Variants in IMPDH1 observed in about 807,000 individuals in gnomAD.
IMPDH1 encodes inosine monophosphate dehydrogenase 1.
In IMPDH1, 41 loss-of-function variants were observed where a neutral mutation model predicts 73.5. The ratio of observed to expected loss-of-function variants is 0.56; its 90% CI spans 0.43 to 0.72. IMPDH1 has a LOEUF of 0.72. IMPDH1 is among the 30% of genes least tolerant of loss of function. The pLI is 0.00. For missense variants in IMPDH1, 645 were observed against 824.8 expected, an observed-to-expected ratio of 0.78 and a Z score of 2.67; for synonymous variants, 318 against 334.3, an observed-to-expected ratio of 0.95 and a Z score of 0.53.
In IMPDH1 at chr7:128,395,128, C is replaced by T. The variant is rs776385488; in HGVS notation, c.1405+3G>A. On this transcript the variant is annotated splice_donor_region_variant and intron_variant, in intron 13 of 16. Transcript: ENST00000338791. Reference sequence around the variant, plus strand: ...CCCAATCCCCAGCACATTCTCCCCTCACCTGTGGAGGCTCCAAGGGCCAGG... The same window carrying T: ...CCCAATCCCCAGCACATTCTCCCCTTACCTGTGGAGGCTCCAAGGGCCAGG... The T allele has an allele frequency of 8.7e-6, 14 of 1,613,932 alleles. No homozygotes were observed. Among genetic ancestry groups the T allele is most frequent in the Non-Finnish European group, 1.7e-6 (2 of 1,180,056 alleles).
At chr7:128,408,470 G>T (rs2116741359) in intron 3 of IMPDH1, among the ~76,000 whole-genome samples, 1 of 152,212 alleles carries the variant, frequency 6.6e-6, no homozygotes, top group African/African-American at 2.4e-5. Context: ...CTCCAGGTTG[G>T]CGAAGGCAGG....
intron 8 of IMPDH1, 40 bp from the exon 9 acceptor site, chr7:128,400,222 A>G (rs746616631): frequency 1.8e-5 from 29 of 1,611,750 alleles, no homozygotes; most frequent in Admixed American, 5.0e-5. Flanking sequence ...TTGGCAGGTG[A>G]GAGAGAAGGA....
In IMPDH1 at chr7:128,396,511, G is replaced by T; in HGVS notation, c.1261+89C>A. 9.5e-7 allele frequency: 1 copy of T among 1,053,278 alleles called. No individual in the cohort carries two copies. Among genetic ancestry groups the T allele is most frequent in the Non-Finnish European group, 1.4e-6 (1 of 694,760 alleles). 65.2% of individuals were successfully genotyped at this position (1,053,278 alleles called of 1,614,324 possible). Reference sequence around the variant, plus strand: ...CCGGAGCCTACCATGGCAGAACAGGGCCTGGCAGAGAGAGTACTTGATATA... The same window carrying T: ...CCGGAGCCTACCATGGCAGAACAGGTCCTGGCAGAGAGAGTACTTGATATA... On this transcript the variant is annotated intron_variant, in intron 12 of 16. Transcript: ENST00000338791. The surrounding 1 kb of genome is among the most constrained non-coding windows in gnomAD (Gnocchi z 4.0).
Position 128,398,550 on chromosome 7 carries a change from T to C in IMPDH1, c.938A>G (p.Lys313Arg). The change falls in exon 10 of 17, where the codon AAG (lysine) becomes AGG (arginine). Residue 313 changes from lysine to arginine, a missense_variant. Coordinates refer to ENST00000338791, the MANE Select transcript of IMPDH1 (RefSeq NM_000883.4). This position sits in a 1 kb window ranked among gnomAD's most constrained non-coding sequence, Gnocchi z 4.3. ...GGCCAGAGGGTAGTCTCGGTTCTTCTTCAGGTCGGTGCGGGCGATGATGGC... is the reference window on the plus strand; with the variant it reads ...GGCCAGAGGGTAGTCTCGGTTCTTCCTCAGGTCGGTGCGGGCGATGATGGC... The part of the protein sequence containing the change: ...LVAIIARTDL[K>R]KNRDYPLASK... 6.2e-7 allele frequency: 1 copy of C among 1,613,430 alleles called. No individual in the cohort carries two copies. Among genetic ancestry groups the C allele is most frequent in the Non-Finnish European group, 8.5e-7 (1 of 1,179,572 alleles).
intron 4 of IMPDH1, 127 bp from the exon 5 acceptor site, chr7:128,403,881 A>G: frequency 1.2e-6 from 1 of 803,908 alleles, no homozygotes; most frequent in Non-Finnish European, 2.2e-6. Context: ...ACAGCCCCCC[A>G]TCCCTACTGC....
chr7:128,406,284 C>CG (rs1798759173), intron 3 of IMPDH1, among the ~76,000 whole-genome samples: 1 of 2,374 alleles, frequency 4.2e-4, no homozygotes. Flanking sequence ...GCAGAGGCCC[C>CG]ACCCCCCCAC....
At position 128,394,617 on chromosome 7, in the gene IMPDH1, G is replaced by C. The variant is rs1562983402; in HGVS notation, c.1551-18C>G. ...CCCCCTCGCTGCGTGGAGGGTGGAAGACTGAGCCCAGCAGCTTGAAGCTCA... is the reference window on the plus strand; with the variant it reads ...CCCCCTCGCTGCGTGGAGGGTGGAACACTGAGCCCAGCAGCTTGAAGCTCA... On this transcript the variant is annotated intron_variant, in intron 14 of 16. Coordinates refer to ENST00000338791, the MANE Select transcript of IMPDH1 (RefSeq NM_000883.4). The surrounding 1 kb of genome is among the most constrained non-coding windows in gnomAD (Gnocchi z 5.5). 1 of 1,612,738 alleles carries C rather than the reference G, an allele frequency of 6.2e-7. No individual in the cohort carries two copies. Among genetic ancestry groups the C allele is most frequent in the Non-Finnish European group, 8.5e-7 (1 of 1,179,892 alleles).
chr7:128,400,223 G>T (rs770548425), intron 8 of IMPDH1, 41 bp from the exon 9 acceptor site: 1 of 1,611,598 alleles, frequency 6.2e-7, no homozygotes. Flanking sequence ...TGGCAGGTGA[G>T]AGAGAAGGAG....
rs1460276615 is a variant in IMPDH1 at position 128,400,963 on chromosome 7, C to A, written c.504+52G>T. The A allele has an allele frequency of 2.5e-6, 4 of 1,598,664 alleles. No individual in the cohort carries two copies. The East Asian group carries it at 6.7e-5, about 27-fold the overall frequency. On this transcript the variant is annotated intron_variant, in intron 6 of 16. Coordinates refer to ENST00000338791, the MANE Select transcript of IMPDH1 (RefSeq NM_000883.4). ...CAGCCCTGCCCCTCAGCACAGCCCA[C>A]CATGGTCAGTTCCTGTGTGCCCTGG...
At chr7:128,397,098 G>A in intron 10 of IMPDH1, 76 bp from the exon 11 acceptor site, 1 of 929,310 alleles carries the variant, frequency 1.1e-6, no homozygotes. Flanking sequence ...CTGAGTGGAT[G>A]AACCCCTCAA....
rs535819656 is a variant in IMPDH1 at position 128,398,403 on chromosome 7, G to A, written c.1074+11C>T. 28 of 1,611,026 alleles carry A rather than the reference G, an allele frequency of 1.7e-5. No individual in the cohort carries two copies. Among genetic ancestry groups the A allele is most frequent in the African/African-American group, 2.7e-5 (2 of 74,978 alleles). On this transcript the variant is annotated intron_variant, in intron 10 of 16. Transcript: ENST00000338791. This position sits in a 1 kb window ranked among gnomAD's most constrained non-coding sequence, Gnocchi z 4.3. ...CATCCATCTCCCCCACCACTCAGGC[G>A]GGGGCCTTACCAAGACTATGACGTC...
intron 10 of IMPDH1, 139 bp from the exon 11 acceptor site, chr7:128,397,161 T>G: frequency 1.5e-6 from 1 of 671,034 alleles, no homozygotes. Flanking sequence ...GTTTTTTTTT[T>G]TTTTTTTCTG....
chr7:128,398,434 C>G lies in IMPDH1; in HGVS notation c.1054G>C (p.Gly352Arg). 1 of 1,613,394 alleles carries G rather than the reference C, an allele frequency of 6.2e-7. No individual in the cohort carries two copies. Among genetic ancestry groups the G allele is most frequent in the Non-Finnish European group, 8.5e-7 (1 of 1,179,838 alleles). Residue 352 changes from glycine to arginine, a missense_variant, in exon 10 of 17, where the codon GGC (glycine) becomes CGC (arginine). This residue lies in a region of IMPDH1 where 459 missense variants were observed against 638.2 expected (regional missense o/e 0.72). Transcript: ENST00000338791. This position sits in a 1 kb window ranked among gnomAD's most constrained non-coding sequence, Gnocchi z 4.3. ...KYRLDLLTQA[G>R]VDVIVLDSSQ... ...CTTACCAAGACTATGACGTCGACGC[C>G]CGCCTGGGTGAGCAGGTCCAGACGG...
chr7:128,403,958 G>C (rs537526475), intron 4 of IMPDH1, among the ~76,000 whole-genome samples: 2 of 152,232 alleles, frequency 1.3e-5, no homozygotes, highest in African/African-American at 4.8e-5. Context: ...CCCAGAGCTA[G>C]AGCCAAAGAC....
intron 9 of IMPDH1, among the ~76,000 whole-genome samples, chr7:128,399,299 G>A (rs574939017): frequency 2.0e-5 from 3 of 151,380 alleles, no homozygotes; most frequent in Admixed American, 2.0e-4. Context: ...CCAGGAGGCA[G>A]AGATTGCAGT....
At position 128,392,903 on chromosome 7, in the gene IMPDH1, C is replaced by A; in HGVS notation, c.*104G>T. The A allele has an allele frequency of 1.7e-6, 2 of 1,144,402 alleles. No individual in the cohort carries two copies. The highest frequency in any genetic ancestry group is 2.3e-5 in the East Asian group (1 of 42,586). The allele number at this position is 1,144,402 out of a possible 1,614,324, so 70.9% of individuals were successfully genotyped here. On this transcript the variant is annotated 3_prime_UTR_variant, in exon 17 of 17. Coordinates refer to ENST00000338791, the MANE Select transcript of IMPDH1 (RefSeq NM_000883.4). The stretch of plus-strand genomic sequence containing the variant: ...CTCTGCCTGGAAAGGAGCTGGAGAA[C>A]CCGTAGTGCAAATCTGTGGACCACT...
intron 3 of IMPDH1, 29 bp downstream of exon 3, chr7:128,409,260 G>T (rs1291523708): frequency 6.3e-7 from 1 of 1,595,538 alleles, no homozygotes; most frequent in East Asian, 2.2e-5. Context: ...AGATCTCAGT[G>T]CATGGTGAGG....
Position 128,395,179 on chromosome 7 carries a change from G to C in IMPDH1, c.1357C>G (p.Gln453Glu). The C allele has an allele frequency of 6.2e-7, 1 of 1,614,054 alleles. No homozygotes were observed. Among genetic ancestry groups the C allele is most frequent in the Non-Finnish European group, 8.5e-7 (1 of 1,180,048 alleles). The change falls in exon 13 of 17, where the codon CAG becomes GAG. Residue 453 changes from glutamine to glutamate, a missense_variant. Gln to Glu is a conservative substitution (Grantham distance 29, BLOSUM62 2). Coordinates refer to ENST00000338791, the MANE Select transcript of IMPDH1 (RefSeq NM_000883.4). ...GVPIIADGGI[Q>E]TVGHVVKALA... ...GCCTTGACCACGTGTCCCACGGTCT[G>C]GATGCCGCCATCGGCTATGATGGGC...
rs147481910 is a variant in IMPDH1 at position 128,409,314 on chromosome 7, G to A, written c.229C>T (p.Gln77Ter). The A allele has an allele frequency of 1.2e-6, 2 of 1,613,980 alleles. No homozygotes were observed. Among genetic ancestry groups the A allele is most frequent in the African/African-American group, 1.3e-5 (1 of 74,934 alleles). ...CTAGCCCTGCGAAGGCGATCCATCT[G>A]GACACCAACACCTGCCAGTAAGACC... ...SVVLLAGVGV[Q>*]MDRLRRASMA... The change falls in exon 3 of 17, where the codon CAG becomes TAG. Residue 77 changes from glutamine to a stop codon, truncating the protein, a stop_gained. Coordinates refer to ENST00000338791, the MANE Select transcript of IMPDH1 (RefSeq NM_000883.4). LOFTEE classifies it high-confidence loss of function.
Sources: gnomAD v4.1 joint callset for allele counts (sites outside exome capture counted in the v4.1 genomes callset) on GRCh38, gnomAD v4.1.1 for gene constraint, gnomAD v4.1.1 regional missense constraint, Gnocchi (gnomAD v3.1) non-coding constraint, MANE v1.5 for transcripts, NCBI Gene and HGNC (gene_info 2026-07-23, HGNC 2026-07-21) for gene names.